The following CCNH variants were observed in gnomAD, a reference collection of about 807,000 sequenced individuals.
CCNH encodes the protein cyclin-H.
In CCNH, 31 loss-of-function variants were observed where a neutral mutation model predicts 41.9. The ratio of observed to expected loss-of-function variants is 0.74; its 90% confidence interval spans 0.56 to 1.00. The LOEUF (loss-of-function observed/expected upper bound fraction) is 1.00, where lower values mean the gene tolerates loss of function less well. Ranked by LOEUF, CCNH falls within the 50% of genes least tolerant of loss-of-function variation. The probability of loss-of-function intolerance (pLI) is 0.00; values close to 1 mark genes in which losing one functional copy is unlikely to be tolerated. For missense variants in CCNH, 362 were observed against 388.4 expected, an observed-to-expected ratio of 0.93 and a Z score of 0.57; for synonymous variants, 138 against 136.1, an observed-to-expected ratio of 1.01 and a Z score of -0.10.
intron 7 of CCNH, 139 bp from the exon 8 acceptor site, chr5:87,395,243 G>A (rs1280189315): frequency 6.8e-6 from 4 of 588,132 alleles, no homozygotes; most frequent in Non-Finnish European, 1.2e-5. Flanking sequence ...AAGATAAACA[G>A]CTATGGGGTA....
At chr5:87,316,461 GTTC>G (rs1284883670), downstream of CCNH, among the ~76,000 whole-genome samples, 2 of 152,098 alleles carry the variant, frequency 1.3e-5, no homozygotes, top group Admixed American at 6.5e-5. Flanking sequence ...ACAACCAAAG[GTTC>G]TTCTTCATTT....
rs1297505729 is a variant in CCNH at position 87,399,456 on chromosome 5, A to G, written c.810T>C (p.Val270=). 1 of 1,613,890 alleles carries G rather than the reference A, an allele frequency of 6.2e-7. No individual in the cohort carries two copies. The highest frequency in any genetic ancestry group is 2.2e-5 in the East Asian group (1 of 44,894). Residue 270 remains valine, a synonymous_variant, in exon 7 of 9, where the codon GTT becomes GTC. Transcript: ENST00000256897. ...KKYEPPRSEE[V]AVLKQKLERC... The stretch of plus-strand genomic sequence containing the variant: ...GCTCCAACTTCTGTTTCAGAACAGC[A>G]ACTTCTTCAGATCTGGGTGGTTCAT...
intron 9 of CCNH, among the ~76,000 whole-genome samples, chr5:87,352,121 T>C (rs923791527): frequency 6.6e-6 from 1 of 151,768 alleles, no homozygotes. Flanking sequence ...CTTTTAATAA[T>C]GCTTTTATTT....
At chr5:87,327,794 G>A (rs571112202) in intron 9 of CCNH, among the ~76,000 whole-genome samples, 8 of 152,016 alleles carry the variant, frequency 5.3e-5, no homozygotes, top group South Asian at 2.1e-4. Context: ...GTGAAACCCC[G>A]TCTCTACTAA....
intron 9 of CCNH, among the ~76,000 whole-genome samples, chr5:87,347,055 A>G (rs989524895): frequency 6.6e-6 from 1 of 152,018 alleles, no homozygotes; most frequent in African/African-American, 2.4e-5. Context: ...AGACAGGAAC[A>G]TGCAACACAC....
At chr5:87,385,761 G>T (rs1006112045) in intron 9 of CCNH, among the ~76,000 whole-genome samples, 4 of 151,852 alleles carry the variant, frequency 2.6e-5, no homozygotes, top group African/African-American at 9.7e-5. Context: ...ACACTTAATT[G>T]TACTATCTAA....
chr5:87,364,549 T>C (rs1421902331), intron 9 of CCNH, among the ~76,000 whole-genome samples: 1 of 152,050 alleles, frequency 6.6e-6, no homozygotes, highest in Non-Finnish European at 1.5e-5. Flanking sequence ...TCATAAAGAG[T>C]TGTTCCAAAA....
intron 9 of CCNH, among the ~76,000 whole-genome samples, chr5:87,346,063 A>T (rs530368029): frequency 6.6e-6 from 1 of 152,200 alleles, no homozygotes; most frequent in African/African-American, 2.4e-5. Context: ...AATAATTTCT[A>T]AAGGCTTAAT....
chr5:87,361,012 A>C (rs1347856095), intron 9 of CCNH, among the ~76,000 whole-genome samples: 1 of 152,202 alleles, frequency 6.6e-6, no homozygotes, highest in African/African-American at 2.4e-5. Context: ...ACTTTGCAAC[A>C]CAGTTACACA....
intron 9 of CCNH, among the ~76,000 whole-genome samples, chr5:87,355,196 C>T (rs1759559500): frequency 6.6e-6 from 1 of 152,128 alleles, no homozygotes; most frequent in Non-Finnish European, 1.5e-5. Context: ...GTAAAGAAAA[C>T]ATCCTTCTAT....
At chr5:87,391,479 T>C (rs894226654), downstream of CCNH, 3 of 240,246 alleles carry the variant, frequency 1.2e-5, no homozygotes, top group Non-Finnish European at 2.5e-5. Flanking sequence ...TGAAAGAAAA[T>C]ATATAGAATG....
chr5:87,407,000 A>G (rs971278360), intron 4 of CCNH, among the ~76,000 whole-genome samples: 1 of 152,080 alleles, frequency 6.6e-6, no homozygotes, highest in African/African-American at 2.4e-5. Flanking sequence ...TCCACAGTCT[A>G]GACTCTGCCT....
At chr5:87,409,409 T>A in intron 2 of CCNH, 46 bp from the exon 3 acceptor site, 1 of 1,114,564 alleles carries the variant, frequency 9.0e-7, no homozygotes, top group Non-Finnish European at 1.3e-6. Flanking sequence ...TCACAAATGT[T>A]AAATGTTAAA....
intron 6 of CCNH, 57 bp downstream of exon 6, chr5:87,401,645 T>C: frequency 9.5e-7 from 1 of 1,055,270 alleles, no homozygotes; most frequent in Non-Finnish European, 1.4e-6. Context: ...AGAGATTTAT[T>C]TAGAAAGGAG....
At chr5:87,386,521 C>T (rs139040869), downstream of CCNH, among the ~76,000 whole-genome samples, 1,222 of 152,024 alleles carry the variant, frequency 8.0e-3, 41 homozygotes, top group Admixed American at 0.06. Flanking sequence ...CTATGTGTTA[C>T]GATTTGTGCT....
intron 4 of CCNH, among the ~76,000 whole-genome samples, chr5:87,407,684 A>G (rs1029693441): frequency 1.3e-5 from 2 of 152,100 alleles, no homozygotes; most frequent in Admixed American, 6.5e-5. Flanking sequence ...TAAACTCTCA[A>G]TGGTCTTCAT....
chr5:87,331,282 T>A (rs1478386660), intron 9 of CCNH: 7 of 1,479,008 alleles, frequency 4.7e-6, no homozygotes, highest in Non-Finnish European at 6.6e-6. Context: ...AGTATGTTTT[T>A]CAAGTGTCCA....
chr5:87,394,311 G>A lies in CCNH; in HGVS notation c.*135C>T. On this transcript the variant is annotated 3_prime_UTR_variant, in exon 9 of 9. Transcript: ENST00000256897. Reference sequence around the variant, plus strand: ...GGTTTATTTTACATAAAGTTACTGTGAAAGGGAAAGAAAACAATAGAAAAG... The same window carrying A: ...GGTTTATTTTACATAAAGTTACTGTAAAAGGGAAAGAAAACAATAGAAAAG... 1 of 1,363,502 alleles carries A rather than the reference G, an allele frequency of 7.3e-7. No individual in the cohort carries two copies. Among genetic ancestry groups the A allele is most frequent in the Non-Finnish European group, 9.5e-7 (1 of 1,049,602 alleles). The allele number at this position is 1,363,502 out of a possible 1,614,324, so 84.5% of individuals were successfully genotyped here. A position where few individuals can be genotyped will look rare whatever the true frequency, so the allele number is the denominator to read the frequency against.
intron 9 of CCNH, among the ~76,000 whole-genome samples, chr5:87,335,419 GT>G (rs34986349): frequency 0.21 from 15,556 of 74,168 alleles, 232 homozygotes; most frequent in Middle Eastern, 0.28. Flanking sequence ...AAAGAATGAG[GT>G]TTTTTTTTTT....
Sources: gnomAD v4.1 joint callset for allele counts (sites outside exome capture counted in the v4.1 genomes callset) on GRCh38, gnomAD v4.1.1 for gene constraint, MANE v1.5 for transcripts, NCBI Gene and HGNC (gene_info 2026-07-23, HGNC 2026-07-21) for gene names.